PPP1R8: variants seen among roughly 807,000 people sequenced by gnomAD.
PPP1R8 encodes the protein protein phosphatase 1 regulatory subunit 8.
PPP1R8 carries 4 observed loss-of-function variants against 31.3 expected under a neutral mutation model. The ratio of observed to expected loss-of-function variants is 0.13; its 90% CI spans 0.06 to 0.29. The LOEUF (loss-of-function observed/expected upper bound fraction) is 0.29, where lower values mean the gene tolerates loss of function less well. PPP1R8 is among the 10% of genes least tolerant of loss of function. PPP1R8 has a pLI of 1.00. For synonymous variants in PPP1R8, 170 were observed against 169.7 expected (o/e 1.00, Z -0.01); for missense variants, 254 against 440.1 (o/e 0.58, Z 3.78).
At chr1:27,840,850 C>G (rs1341514099) in intron 3 of PPP1R8, among the ~76,000 whole-genome samples, 164 bp from the exon 4 acceptor site, 1 of 152,084 alleles carries the variant, frequency 6.6e-6, no homozygotes, top group African/African-American at 2.4e-5. Context: ...TGACCATGAT[C>G]CTGACTATGG....
chr1:27,843,155 T>C (rs1048967385), intron 4 of PPP1R8, 31 bp from the exon 5 acceptor site: 16 of 1,613,616 alleles, frequency 9.9e-6, no homozygotes, highest in Non-Finnish European at 1.4e-5. Context: ...TTGTACTGAC[T>C]GCTGTCTTTC....
At chr1:27,834,274 C>T (rs998980295) in intron 2 of PPP1R8, 7 of 364,018 alleles carry the variant, frequency 1.9e-5, no homozygotes, top group Non-Finnish European at 2.2e-5. Flanking sequence ...TAGCTGATAA[C>T]GTTCTCTTTC....
intron 2 of PPP1R8, among the ~76,000 whole-genome samples, chr1:27,836,390 A>G (rs973216588): frequency 3.9e-5 from 6 of 152,144 alleles, no homozygotes; most frequent in Non-Finnish European, 7.4e-5. Context: ...AAGGACAGGT[A>G]TAGCAAGTTT....
chr1:27,844,932 A>G (rs538700619), intron 5 of PPP1R8, among the ~76,000 whole-genome samples: 78 of 99,338 alleles, frequency 7.9e-4, no homozygotes, highest in Middle Eastern at 8.2e-3. Context: ...ACGGGGTTTC[A>G]CCGTGTTAGG....
chr1:27,830,919 G>A, intron 1 of PPP1R8, 28 bp downstream of exon 1: 1 of 1,546,704 alleles, frequency 6.5e-7, no homozygotes, highest in Non-Finnish European at 8.7e-7. Flanking sequence ...CAGGGCTAGA[G>A]TGGCCCGGCC....
chr1:27,841,173 G>C lies in PPP1R8; in HGVS notation c.431G>C (p.Gly144Ala). ...PSAVKGDEKM[G>A]GEDDELKGLL... ...GCTGTGAAAGGAGATGAGAAGATGG[G>C]TGGAGAGGATGATGAACTCAAGGGC... The change falls in exon 4 of 7, where the codon GGT becomes GCT. Residue 144 changes from glycine (G) to alanine (A), a missense_variant. This residue lies in a region of PPP1R8 where 27 missense variants were observed against 26.7 expected (regional missense o/e 1.01). Transcript: ENST00000311772. The C allele has an allele frequency of 6.2e-7, 1 of 1,614,226 alleles. No homozygotes were observed. Among genetic ancestry groups the C allele is most frequent in the Non-Finnish European group, 8.5e-7 (1 of 1,180,042 alleles).
At chr1:27,846,992 G>T in intron 5 of PPP1R8, 36 bp from the exon 6 acceptor site, 2 of 1,587,198 alleles carry the variant, frequency 1.3e-6, no homozygotes, top group Non-Finnish European at 1.7e-6. Flanking sequence ...TCCCAGTAAA[G>T]TACCAACCCA....
rs2089241989 is a variant in PPP1R8, at chr1:27,843,444, G to A, written c.637+114G>A. ...GGCCGAGGAGGGTGGATCACTTAAG[G>A]TCAAGAGTTCAAGACTAGCCTGGCC... On this transcript the variant is annotated intron_variant, in intron 5 of 6. Coordinates refer to ENST00000311772, the MANE Select transcript of PPP1R8 (RefSeq NM_014110.5). 4 of 1,320,946 alleles carry A rather than the reference G, an allele frequency of 3.0e-6. No homozygotes were observed. In the African/African-American group the frequency reaches 5.9e-5, roughly 19 times the overall value. The allele number at this position is 1,320,946 out of a possible 1,614,324, so 81.8% of individuals were successfully genotyped here.
chr1:27,849,347 G>A (rs563913854), intron 6 of PPP1R8, among the ~76,000 whole-genome samples: 64 of 148,354 alleles, frequency 4.3e-4, no homozygotes, highest in African/African-American at 1.6e-3. Context: ...CTCCAGCCTG[G>A]GCAACAAGAG....
At chr1:27,836,990 G>A (rs368295156) in intron 2 of PPP1R8, among the ~76,000 whole-genome samples, 1 of 152,270 alleles carries the variant, frequency 6.6e-6, no homozygotes, top group Non-Finnish European at 1.5e-5. Context: ...TTTCTGAGAA[G>A]CAATCTTATT....
At position 27,830,850 on chromosome 1, in the gene PPP1R8, G is replaced by T. The variant is rs545330319; in HGVS notation, c.15G>T (p.Ala5=). The change falls in exon 1 of 7, where the codon GCG becomes GCT. Residue 5 remains alanine (A), a synonymous_variant. Transcript: ENST00000311772. ...GGAGACGCAAGATGGCGGCAGCCGC[G>T]AACTCCGGCTCTAGCCTCCCGCTGT... MAAA[A]NSGSSLPLFD... 5.1e-6 allele frequency: 8 copies of T among 1,576,496 alleles called. No homozygotes were observed. Among genetic ancestry groups the T allele is most frequent in the Non-Finnish European group, 6.0e-6 (7 of 1,162,196 alleles).
chr1:27,844,715 T>TC (rs1395125902), intron 5 of PPP1R8, among the ~76,000 whole-genome samples: 1 of 129,238 alleles, frequency 7.7e-6, no homozygotes, highest in African/African-American at 3.1e-5. Flanking sequence ...TTTTTTTTTT[T>TC]TTTTTTTTTT....
chr1:27,832,595 G>A (rs1156939688), intron 1 of PPP1R8, among the ~76,000 whole-genome samples, 161 bp from the exon 2 acceptor site: 2 of 152,150 alleles, frequency 1.3e-5, no homozygotes, highest in African/African-American at 4.8e-5. Flanking sequence ...AGTGTCAAAC[G>A]TAGAATGGAG....
rs770012287 is a variant in PPP1R8, at chr1:27,838,840, G to A, written c.259G>A (p.Asp87Asn). The A allele has an allele frequency of 6.2e-7, 1 of 1,603,764 alleles. No homozygotes were observed. The highest frequency in any genetic ancestry group is 8.5e-7 in the Non-Finnish European group (1 of 1,176,378). ...HKHLKRVFLI[D>N]LNSTHGTFLG... Reference sequence around the variant, plus strand: ...GCATCTGAAGAGAGTTTTCCTGATAGATCTCAACAGTAGTAAGTAACTCCC... The same window carrying A: ...GCATCTGAAGAGAGTTTTCCTGATAAATCTCAACAGTAGTAAGTAACTCCC... Residue 87 changes from aspartate to asparagine, a missense_variant, in exon 3 of 7, where the codon GAT becomes AAT. This residue lies in a region of PPP1R8 where 52 missense variants were observed against 145.3 expected (regional missense o/e 0.36). Coordinates refer to ENST00000311772, the MANE Select transcript of PPP1R8 (RefSeq NM_014110.5).
At position 27,851,624 on chromosome 1, in the gene PPP1R8, A is replaced by T; in HGVS notation, c.*1178A>T. 1 of 502,094 alleles carries T rather than the reference A, an allele frequency of 2.0e-6. No homozygotes were observed. Among genetic ancestry groups the T allele is most frequent in the South Asian group, 1.5e-5 (1 of 68,322 alleles). The allele number at this position is 502,094 out of a possible 1,614,324, so 31.1% of individuals were successfully genotyped here. A position where few individuals can be genotyped will look rare whatever the true frequency, so the allele number is the denominator to read the frequency against. ...GCACAGTCACTGGGCTTGGGAGGCA[A>T]TGCTCCATCCCCATTATATTACAAA... On this transcript the variant is annotated 3_prime_UTR_variant, in exon 7 of 7. Coordinates refer to ENST00000311772, the MANE Select transcript of PPP1R8 (RefSeq NM_014110.5).
chr1:27,833,223 T>G (rs769061761), intron 2 of PPP1R8, among the ~76,000 whole-genome samples: 54 of 152,282 alleles, frequency 3.5e-4, no homozygotes, highest in Non-Finnish European at 3.5e-4. Context: ...CAACTCCTTA[T>G]AAGAAGTATG....
At chr1:27,847,194 A>T in intron 6 of PPP1R8, 102 bp downstream of exon 6, 1 of 1,167,180 alleles carries the variant, frequency 8.6e-7, no homozygotes, top group Non-Finnish European at 1.3e-6. Flanking sequence ...TGGGAGGCTG[A>T]GGCAGGCAGA....
chr1:27,846,923 C>A, intron 5 of PPP1R8, 105 bp from the exon 6 acceptor site: 1 of 983,778 alleles, frequency 1.0e-6, no homozygotes. Flanking sequence ...CTGTGTTTTA[C>A]AATTTTAATA....
chr1:27,838,973 C>T lies in PPP1R8; in HGVS notation c.271+121C>T, dbSNP rs371296061. 299 of 1,028,072 alleles carry T rather than the reference C, an allele frequency of 2.9e-4. 1 individual carries two copies. In the African/African-American group the frequency reaches 4.6e-3, roughly 16 times the overall value. 63.7% of individuals were successfully genotyped at this position (1,028,072 alleles called of 1,614,324 possible). A position where few individuals can be genotyped will look rare whatever the true frequency, so the allele number is the denominator to read the frequency against. On this transcript the variant is annotated intron_variant, in intron 3 of 6. Coordinates refer to ENST00000311772, the MANE Select transcript of PPP1R8 (RefSeq NM_014110.5). ...TTAATGTTTGGTTTTTAAATCCACCCTTCTCTATTTCTGTGATTTTTCTAT... is the reference window on the plus strand; with the variant it reads ...TTAATGTTTGGTTTTTAAATCCACCTTTCTCTATTTCTGTGATTTTTCTAT...
Sources: gnomAD v4.1 joint callset for allele counts (sites outside exome capture counted in the v4.1 genomes callset) on GRCh38, gnomAD v4.1.1 for gene constraint, gnomAD v4.1.1 regional missense constraint, MANE v1.5 for transcripts, NCBI Gene and HGNC (gene_info 2026-07-23, HGNC 2026-07-21) for gene names.